Variants in BCKDHB observed in about 807,000 individuals in gnomAD.
BCKDHB encodes branched chain keto acid dehydrogenase E1 subunit beta, also known as 2-oxoisovalerate dehydrogenase subunit beta, mitochondrial.
BCKDHB carries 41 observed loss-of-function variants against 48.5 expected under a neutral mutation model. That is an observed-to-expected ratio of 0.85 (90% CI 0.66 to 1.10). The LOEUF (loss-of-function observed/expected upper bound fraction) is 1.10, where lower values mean the gene tolerates loss of function less well. Ranked by LOEUF, BCKDHB falls within the 50% of genes least tolerant of loss-of-function variation. The pLI, the probability that BCKDHB is intolerant of heterozygous loss-of-function variation, is 0.00. For synonymous variants in BCKDHB, 201 were observed against 174.8 expected (o/e 1.15, Z -1.18); for missense variants, 496 against 494.2 (o/e 1.00, Z -0.03).
At chr6:80,429,252 C>T in the BCKDHB span, among the ~76,000 whole-genome samples, 1 of 152,188 alleles carries the variant, frequency 6.6e-6, no homozygotes, top group African/African-American at 2.4e-5. Context: ...GGTACCAATA[C>T]CATGCTGTTT....
chr6:80,211,758 A>G (rs371811466), intron 8 of BCKDHB, among the ~76,000 whole-genome samples: 4 of 152,196 alleles, frequency 2.6e-5, no homozygotes, highest in African/African-American at 7.2e-5. Context: ...TCTATTTTCC[A>G]TAAGTGTTGG....
At chr6:80,411,448 GT>G in the BCKDHB span, among the ~76,000 whole-genome samples, 1 of 152,232 alleles carries the variant, frequency 6.6e-6, no homozygotes, top group Admixed American at 6.5e-5. Flanking sequence ...CATTCTGTCT[GT>G]TCTCAGAGCT....
the BCKDHB span, among the ~76,000 whole-genome samples, chr6:80,461,346 A>G: frequency 2.6e-5 from 4 of 152,068 alleles, no homozygotes; most frequent in Non-Finnish European, 5.9e-5. Flanking sequence ...CTGTGTCTAT[A>G]TTCTAATCCT....
intron 8 of BCKDHB, among the ~76,000 whole-genome samples, chr6:80,234,208 C>A (rs929211760): frequency 6.6e-6 from 1 of 152,182 alleles, no homozygotes; most frequent in Non-Finnish European, 1.5e-5. Context: ...TGGTCCATGG[C>A]CTGGGGGTTG....
At chr6:80,289,404 G>T (rs1036034532) in intron 9 of BCKDHB, among the ~76,000 whole-genome samples, 1 of 152,166 alleles carries the variant, frequency 6.6e-6, no homozygotes, top group Non-Finnish European at 1.5e-5. Context: ...GATCAAAGGA[G>T]ACATAAGGTT....
At chr6:80,330,723 CTG>C (rs3842603) in intron 9 of BCKDHB, among the ~76,000 whole-genome samples, 117,791 of 151,852 alleles carry the variant, frequency 0.78, 46,046 homozygotes, top group Admixed American at 0.84. Flanking sequence ...TGAAATATAA[CTG>C]TTGAAATGTG....
intron 8 of BCKDHB, among the ~76,000 whole-genome samples, chr6:80,218,825 A>G (rs1481134148): frequency 6.6e-6 from 1 of 152,220 alleles, no homozygotes; most frequent in Non-Finnish European, 1.5e-5. Context: ...ATTGTTTTAT[A>G]ACCGAAATGA....
intron 9 of BCKDHB, among the ~76,000 whole-genome samples, chr6:80,337,069 G>A (rs1240453692): frequency 6.6e-6 from 1 of 152,128 alleles, no homozygotes; most frequent in African/African-American, 2.4e-5. Flanking sequence ...AATTAATTTG[G>A]AGTTGTTGGC....
At chr6:80,429,866 T>C in the BCKDHB span, among the ~76,000 whole-genome samples, 2 of 152,224 alleles carry the variant, frequency 1.3e-5, no homozygotes, top group African/African-American at 4.8e-5. Context: ...TTCTTTCTCT[T>C]ACCTGATTGC....
intron 6 of BCKDHB, among the ~76,000 whole-genome samples, chr6:80,198,168 G>A (rs948341088): frequency 6.6e-6 from 1 of 152,160 alleles, no homozygotes; most frequent in Non-Finnish European, 1.5e-5. Flanking sequence ...CTGTTGTAGG[G>A]TAGAAACAGC....
chr6:80,308,291 C>T (rs1216459381), intron 9 of BCKDHB, among the ~76,000 whole-genome samples: 1 of 151,854 alleles, frequency 6.6e-6, no homozygotes, highest in Non-Finnish European at 1.5e-5. Flanking sequence ...GTTCAAAAGT[C>T]GTGTTTAATG....
At chr6:80,399,308 A>C in the BCKDHB span, among the ~76,000 whole-genome samples, 1 of 152,194 alleles carries the variant, frequency 6.6e-6, no homozygotes, top group African/African-American at 2.4e-5. Context: ...AGAGGAAGTC[A>C]AACTGTCCGT....
chr6:80,177,231 A>AG (rs1441807320), intron 6 of BCKDHB, among the ~76,000 whole-genome samples: 5 of 40,886 alleles, frequency 1.2e-4, no homozygotes, highest in African/African-American at 4.1e-4. Context: ...GTCTCAAAAA[A>AG]AAAAAAAAAA....
the BCKDHB span, among the ~76,000 whole-genome samples, chr6:80,390,188 C>G: frequency 6.6e-6 from 1 of 152,182 alleles, no homozygotes; most frequent in Non-Finnish European, 1.5e-5. Context: ...GCGTGGAATA[C>G]AGGAGATCCA....
the BCKDHB span, among the ~76,000 whole-genome samples, chr6:80,444,793 G>T: frequency 2.6e-5 from 4 of 152,180 alleles, no homozygotes; most frequent in East Asian, 1.9e-4. Flanking sequence ...GTCAAATTTT[G>T]TGTTTTATTA....
At chr6:80,107,018 G>A (rs989654336) in intron 1 of BCKDHB, 129 bp downstream of exon 1, 14 of 1,220,070 alleles carry the variant, frequency 1.1e-5, no homozygotes, top group Non-Finnish European at 3.5e-6. Context: ...TGACTCTCTG[G>A]AACCTCCTTG....
chr6:80,137,552 A>G (rs1001715698), intron 3 of BCKDHB, among the ~76,000 whole-genome samples: 1 of 152,170 alleles, frequency 6.6e-6, no homozygotes, highest in Admixed American at 6.6e-5. Context: ...CTTAACAAAT[A>G]CCATTTAAGA....
chr6:80,176,020 G>C (rs1773135968), intron 6 of BCKDHB, among the ~76,000 whole-genome samples: 1 of 152,172 alleles, frequency 6.6e-6, no homozygotes, highest in Non-Finnish European at 1.5e-5. Flanking sequence ...AAGGCTTAGT[G>C]TAGGAAAAAC....
At chr6:80,387,455 G>A in the BCKDHB span, among the ~76,000 whole-genome samples, 1 of 152,218 alleles carries the variant, frequency 6.6e-6, no homozygotes, top group Non-Finnish European at 1.5e-5. Context: ...TGCAGGGGTG[G>A]TGATTCCCAC....
Sources: allele counts gnomAD v4.1 joint callset (sites outside exome capture counted in the v4.1 genomes callset), GRCh38; gene constraint gnomAD v4.1.1; transcripts MANE v1.5; gene names NCBI Gene and HGNC (gene_info 2026-07-23, HGNC 2026-07-21).